PCNT: variants seen among roughly 807,000 people sequenced by gnomAD.
PCNT encodes the protein pericentrin.
Under a neutral mutation model 380.4 loss-of-function variants are expected in PCNT, and 319 were observed. That is an observed-to-expected ratio of 0.84 (90% CI 0.77 to 0.92). The LOEUF is 0.92. PCNT is among the 40% of genes least tolerant of loss of function. The pLI is 0.00. For missense variants in PCNT, 4,400 were observed against 4,255.3 expected (o/e 1.03, Z -0.95); for synonymous variants, 1,845 against 1,735.2 (o/e 1.06, Z -1.57).
intron 2 of PCNT, among the ~76,000 whole-genome samples, chr21:46,331,007 TAAG>T (rs1455766742): frequency 5.3e-5 from 8 of 152,238 alleles, no homozygotes; most frequent in Middle Eastern, 3.4e-3. Flanking sequence ...TTGAACAGCA[TAAG>T]AAGATAAGTG....
intron 31 of PCNT, among the ~76,000 whole-genome samples, chr21:46,418,713 C>T (rs534928606): frequency 1.4e-4 from 22 of 152,392 alleles, no homozygotes; most frequent in Admixed American, 6.5e-4. Context: ...GGCTCTGCTG[C>T]CTTGCCTGCC....
At chr21:46,342,680 A>C (rs892229931) in intron 3 of PCNT, among the ~76,000 whole-genome samples, 10 of 152,116 alleles carry the variant, frequency 6.6e-5, no homozygotes, top group Non-Finnish European at 1.3e-4. Flanking sequence ...AGTTGGGAAT[A>C]CAGGCATGTG....
chr21:46,342,836 T>C (rs1209051367), intron 3 of PCNT, among the ~76,000 whole-genome samples: 1 of 152,240 alleles, frequency 6.6e-6, no homozygotes, highest in Non-Finnish European at 1.5e-5. Flanking sequence ...GCCAGCGATT[T>C]CTTTCAGCAG....
chr21:46,414,825 G>A (rs1224948008), intron 29 of PCNT, among the ~76,000 whole-genome samples: 7 of 118,750 alleles, frequency 5.9e-5, no homozygotes, highest in African/African-American at 1.7e-4. Context: ...CGCCCACCCT[G>A]CTCCTCCTCC....
intron 2 of PCNT, among the ~76,000 whole-genome samples, chr21:46,326,803 C>G (rs563492834): frequency 2.6e-5 from 4 of 152,212 alleles, no homozygotes; most frequent in African/African-American, 9.6e-5. Context: ...CACCTGAGGT[C>G]AGGAGTTCCA....
At chr21:46,364,815 T>A (rs1478707121) in intron 14 of PCNT, among the ~76,000 whole-genome samples, 3 of 152,130 alleles carry the variant, frequency 2.0e-5, no homozygotes, top group Non-Finnish European at 4.4e-5. Context: ...TTCAGGTCGC[T>A]GGGGCTGCAT....
intron 27 of PCNT, among the ~76,000 whole-genome samples, chr21:46,403,055 A>G (rs1207883311): frequency 6.6e-6 from 1 of 152,296 alleles, no homozygotes; most frequent in Non-Finnish European, 1.5e-5. Context: ...CAGAGCATTC[A>G]TAACTTCACA....
At chr21:46,351,689 T>A in intron 9 of PCNT, 149 bp downstream of exon 9, 1 of 699,072 alleles carries the variant, frequency 1.4e-6, no homozygotes, top group Non-Finnish European at 2.6e-6. Context: ...AGGTGTCTGG[T>A]TTGAAAGTGG....
intron 21 of PCNT, 22 bp from the exon 22 acceptor site, chr21:46,397,243 T>C (rs1395552689): frequency 6.3e-7 from 1 of 1,595,446 alleles, no homozygotes; most frequent in Non-Finnish European, 8.6e-7. Flanking sequence ...TGTCCCCGTG[T>C]CTGTCCTGTT....
chr21:46,421,146 A>ACTCTGCCTGCATCGTTGGC (rs1225196387), intron 31 of PCNT: 3 of 151,984 alleles, frequency 2.0e-5, no homozygotes, highest in African/African-American at 4.8e-5. Context: ...CTGAGGTTGT[A>ACTCTGCCTGCATCGTTGGC]CTCTGCCTGC....
intron 23 of PCNT, 42 bp downstream of exon 23, chr21:46,398,172 C>T (rs779051502): frequency 2.6e-5 from 41 of 1,606,434 alleles, no homozygotes; most frequent in Non-Finnish European, 3.5e-5. Context: ...TGCTGTCTTT[C>T]ACTGTGTTTT....
In PCNT at chr21:46,355,494, A is replaced by G. The variant is rs544300196; in HGVS notation, c.1804A>G (p.Arg602Gly). The change falls in exon 12 of 47, where the codon AGG becomes GGG. Residue 602 changes from arginine to glycine, a missense_variant. Physicochemically the swap from Arg to Gly is moderately radical, Grantham distance 125 (BLOSUM62 -2). Transcript: ENST00000359568. ...RFQAELEESH[R>G]HQLEALESPL... ...CCAGGCGGAGTTAGAAGAAAGCCAC[A>G]GGCACCAGCTGGAAGCGCTGGAGTC... is the stretch of plus-strand genomic sequence containing the variant. The G allele has an allele frequency of 6.2e-7, 1 of 1,614,066 alleles. No homozygotes were observed. The highest frequency in any genetic ancestry group is 1.3e-5 in the African/African-American group (1 of 75,064).
In PCNT at chr21:46,431,376, CA is replaced by C. The variant is rs1428451098; in HGVS notation, c.8065-146del. ...GGTTTTTTGTTACTTGATGAACTAA[CA>C]AAAAAATGTTGTCCCTACATGTGGC... On this transcript the variant is annotated intron_variant, in intron 37 of 46. Transcript: ENST00000359568. 4.8e-6 allele frequency: 7 copies of C among 1,472,922 alleles called. No individual in the cohort carries two copies. The East Asian group carries it at 7.3e-5, about 15-fold the overall frequency. 91.2% of individuals were successfully genotyped at this position (1,472,922 alleles called of 1,614,324 possible).
rs576740745 is a variant in PCNT, at chr21:46,333,498, T to TCGGGAGGCTGAGG, written c.268-897_268-885dup. ...GGCATGCGCCTGTAGTCCCAGCTAC[T>TCGGGAGGCTGAGG]CGGGAGGCTGAGGCAGGAGAATTGT... is the stretch of plus-strand genomic sequence containing the variant. On this transcript the variant is annotated intron_variant, in intron 2 of 46. Transcript: ENST00000359568. Among the ~76,000 whole-genome samples the TCGGGAGGCTGAGG allele has an allele frequency of 3.1e-3, 466 of 151,898 alleles. 3 individuals carry two copies. Among genetic ancestry groups the TCGGGAGGCTGAGG allele is most frequent in the African/African-American group, 0.011 (446 of 41,402 alleles).
chr21:46,343,486 A>G (rs2083968276), intron 3 of PCNT, among the ~76,000 whole-genome samples: 1 of 151,908 alleles, frequency 6.6e-6, no homozygotes, highest in Non-Finnish European at 1.5e-5. Context: ...ACCCAAGTGT[A>G]TTATCTTTTT....
chr21:46,408,052 A>G (rs1235785475), intron 27 of PCNT, among the ~76,000 whole-genome samples: 3 of 152,130 alleles, frequency 2.0e-5, no homozygotes, highest in Non-Finnish European at 4.4e-5. Flanking sequence ...TTTAGTATAC[A>G]GTTTTATAAA....
chr21:46,390,090 C>T (rs903225377), intron 19 of PCNT, among the ~76,000 whole-genome samples: 2 of 152,256 alleles, frequency 1.3e-5, no homozygotes, highest in African/African-American at 2.4e-5. Flanking sequence ...TCAGCCTGGC[C>T]GTGGACGGCC....
chr21:46,401,717 G>A lies in PCNT; in HGVS notation c.4958G>A (p.Ser1653Asn), dbSNP rs2086434345. The A allele has an allele frequency of 2.5e-6, 4 of 1,614,134 alleles. No individual in the cohort carries two copies. The highest frequency in any genetic ancestry group is 2.5e-6 in the Non-Finnish European group (3 of 1,180,010). ...CAGAGAGCACTCCTGCGGCGCGAGA[G>A]CGAGGTGAGTGCAGAGTGGGGCCAT... ...VTQRALLRRE[S>N]EVLDLKEQLE... The change falls in exon 26 of 47, where the codon AGC becomes AAC. Residue 1653 changes from serine (S) to asparagine (N), a missense_variant. Physicochemically the swap from Ser to Asn is conservative, Grantham distance 46. Transcript: ENST00000359568.
chr21:46,376,678 G>C (rs1227078184), intron 15 of PCNT, among the ~76,000 whole-genome samples: 1 of 152,256 alleles, frequency 6.6e-6, no homozygotes, highest in African/African-American at 2.4e-5. Context: ...CAGCATCCCT[G>C]TTTGGACCTC....
Sources: allele counts gnomAD v4.1 joint callset (sites outside exome capture counted in the v4.1 genomes callset), GRCh38; gene constraint gnomAD v4.1.1; transcripts MANE v1.5; gene names NCBI Gene and HGNC (gene_info 2026-07-23, HGNC 2026-07-21).